Variants in ZNF385D observed in about 807,000 individuals in gnomAD.
The protein encoded by ZNF385D is zinc finger protein 385D, also known as zinc finger protein 659.
In ZNF385D, 15 loss-of-function variants were observed where a neutral mutation model predicts 35.8. The observed-to-expected ratio is 0.42, with a 90% CI of 0.28 to 0.64. The LOEUF (loss-of-function observed/expected upper bound fraction) is 0.64, where lower values mean the gene tolerates loss of function less well. ZNF385D is among the 30% of genes least tolerant of loss of function. The pLI is 0.23. For synonymous variants in ZNF385D, 212 were observed against 186.8 expected, an observed-to-expected ratio of 1.13 and a Z score of -1.10; for missense variants, 474 against 494.6, an observed-to-expected ratio of 0.96 and a Z score of 0.39.
rs1355979384 is a variant in ZNF385D at position 22,208,035 on chromosome 3, CTG to C, written c.107-39002_107-39001del. The stretch of plus-strand genomic sequence containing the variant: ...AAGAGTTTAAAGGTTCCTCTAAAAA[CTG>C]AAAGTAGAAATACTATACGATGCAG... On this transcript the variant is annotated intron_variant, in intron 2 of 5. Transcript: ENST00000494108. Among the ~76,000 whole-genome samples, 4 of 152,018 alleles carry C rather than the reference CTG, an allele frequency of 2.6e-5. No homozygotes were observed. The East Asian group carries it at 7.8e-4, about 29-fold the overall frequency.
intron 3 of ZNF385D, among the ~76,000 whole-genome samples, chr3:21,977,688 A>G (rs1703719407): frequency 1.3e-5 from 2 of 151,850 alleles, no homozygotes; most frequent in South Asian, 2.1e-4. Flanking sequence ...ATAATAACAA[A>G]TTAGCTGGCA....
chr3:22,297,243 C>T (rs547320039), intron 2 of ZNF385D, among the ~76,000 whole-genome samples: 1 of 152,160 alleles, frequency 6.6e-6, no homozygotes, highest in African/African-American at 2.4e-5. Flanking sequence ...CCCCAGATCC[C>T]CCCAATAGGA....
Position 21,751,073 on chromosome 3 carries a change from C to T in ZNF385D, c.-157G>A, listed in dbSNP as rs775441840. 3.4e-4 allele frequency: 518 copies of T among 1,509,940 alleles called. No individual in the cohort carries two copies. Among genetic ancestry groups the T allele is most frequent in the Non-Finnish European group, 4.3e-4 (487 of 1,128,318 alleles). 93.5% of individuals were successfully genotyped at this position (1,509,940 alleles called of 1,614,324 possible). On this transcript the variant is annotated 5_prime_UTR_variant, in exon 1 of 8. Transcript: ENST00000281523. The stretch of plus-strand genomic sequence containing the variant: ...GAGCGTGCCTCCTCCGCGGGATGAG[C>T]GCCTTGCAGGCTGCCTTTCCAGGGC...
intron 3 of ZNF385D, among the ~76,000 whole-genome samples, chr3:22,042,322 G>C (rs748782546): frequency 6.6e-6 from 1 of 151,962 alleles, no homozygotes; most frequent in African/African-American, 2.4e-5. Flanking sequence ...TTAGTGTATG[G>C]CCCATATTAA....
chr3:21,967,228 G>T (rs935370442), intron 3 of ZNF385D, among the ~76,000 whole-genome samples: 2 of 151,948 alleles, frequency 1.3e-5, no homozygotes, highest in African/African-American at 4.8e-5. Flanking sequence ...TTTCAGTCCT[G>T]GGGAAGTAAA....
At chr3:21,980,882 C>A (rs1694398618) in intron 3 of ZNF385D, among the ~76,000 whole-genome samples, 2 of 152,114 alleles carry the variant, frequency 1.3e-5, no homozygotes. Flanking sequence ...TATATTCCTG[C>A]AAAAGAGATG....
chr3:21,759,001 A>AAAAAAC (rs2070480123), intron 3 of ZNF385D, among the ~76,000 whole-genome samples: 2 of 133,144 alleles, frequency 1.5e-5, no homozygotes, highest in African/African-American at 3.0e-5. Context: ...AAAAAAAAAA[A>AAAAAAC]AAAAACAGTG....
intron 2 of ZNF385D, among the ~76,000 whole-genome samples, chr3:22,310,891 TCTA>T (rs1703502564): frequency 6.6e-6 from 1 of 151,918 alleles, no homozygotes; most frequent in East Asian, 1.9e-4. Flanking sequence ...AGATTTTATT[TCTA>T]CTATTTAAAT....
At position 22,021,507 on chromosome 3, in the gene ZNF385D, G is replaced by A. The variant is rs75532898; in HGVS notation, c.325+147310C>T. 3.9e-3 allele frequency among the ~76,000 whole-genome samples: 596 copies of A among 152,080 alleles called. 2 individuals are homozygous for A. The highest frequency in any genetic ancestry group is 0.014 in the African/African-American group (564 of 41,508). On this transcript the variant is annotated intron_variant, in intron 3 of 5. Transcript: ENST00000494108. ...CTAGGTTTTGAATCCTGACTCCACC[G>A]CTAACTATATTTATGCCTTTGAGTA...
chr3:22,259,512 C>G lies in ZNF385D; in HGVS notation c.107-90477G>C, dbSNP rs374881538. ...TTAGCCTACAAGTCAAACACTCATA[C>G]AGCACCTTTCCTTGAGACAGCTGTC... On this transcript the variant is annotated intron_variant, in intron 2 of 5. Coordinates refer to the ZNF385D transcript ENST00000494108. 5.3e-5 allele frequency among the ~76,000 whole-genome samples: 8 copies of G among 152,102 alleles called. No individual in the cohort carries two copies. In the South Asian group the frequency reaches 1.0e-3, roughly 20 times the overall value.
At chr3:21,701,770 G>C (rs1440965478) in intron 1 of ZNF385D, among the ~76,000 whole-genome samples, 1 of 152,090 alleles carries the variant, frequency 6.6e-6, no homozygotes, top group South Asian at 2.1e-4. Context: ...GCCAAAACAA[G>C]GGATTACAGG....
At chr3:21,879,718 T>A (rs754058591) in intron 3 of ZNF385D, among the ~76,000 whole-genome samples, 2 of 152,014 alleles carry the variant, frequency 1.3e-5, no homozygotes, top group Non-Finnish European at 2.9e-5. Context: ...AGGCGCTTCA[T>A]TGAAAAGGGC....
intron 1 of ZNF385D, among the ~76,000 whole-genome samples, chr3:21,675,089 A>T (rs17009257): frequency 0.21 from 31,122 of 149,550 alleles, 3,421 homozygotes; most frequent in East Asian, 0.29. Context: ...AAGAACTAGA[A>T]AAGAAAAGCG....
At chr3:21,780,841 G>A (rs905792820) in intron 3 of ZNF385D, among the ~76,000 whole-genome samples, 7 of 152,016 alleles carry the variant, frequency 4.6e-5, no homozygotes, top group Non-Finnish European at 1.0e-4. Context: ...AGGATTTTCT[G>A]TAAGATCCAC....
intron 3 of ZNF385D, among the ~76,000 whole-genome samples, chr3:21,883,403 C>T (rs1698378888): frequency 6.6e-6 from 1 of 151,900 alleles, no homozygotes; most frequent in Non-Finnish European, 1.5e-5. Context: ...ACCAAATTGA[C>T]TAAATCAGTT....
At chr3:22,285,521 A>G (rs921674559) in intron 2 of ZNF385D, among the ~76,000 whole-genome samples, 15 of 151,642 alleles carry the variant, frequency 9.9e-5, no homozygotes, top group Admixed American at 9.2e-4. Flanking sequence ...CTGTGCACTT[A>G]TTCAATAACT....
At position 22,031,542 on chromosome 3, in the gene ZNF385D, G is replaced by A. The variant is rs1339194801; in HGVS notation, c.325+137275C>T. 2.6e-5 allele frequency among the ~76,000 whole-genome samples: 4 copies of A among 152,170 alleles called. No homozygotes were observed. In the South Asian group the frequency reaches 8.3e-4, roughly 32 times the overall value. ...AGCCACGGCTGGAGTTGGAGCGGCT[G>A]AGATGCAGGGCACCAAGTCCTGAGT... is the stretch of plus-strand genomic sequence containing the variant. On this transcript the variant is annotated intron_variant, in intron 3 of 5. Coordinates refer to the ZNF385D transcript ENST00000494108.
Position 21,419,384 on chromosome 3 carries a change from C to T in ZNF385D, c.*1830G>A, listed in dbSNP as rs902563528. The T allele has an allele frequency of 6.6e-6, 1 of 152,026 alleles. No individual in the cohort carries two copies. Among genetic ancestry groups the T allele is most frequent in the African/African-American group, 2.4e-5 (1 of 41,378 alleles). 9.4% of individuals were successfully genotyped at this position (152,026 alleles called of 1,614,324 possible). A position where few individuals can be genotyped will look rare whatever the true frequency, so the allele number is the denominator to read the frequency against. ...CATGTTTAATGTTGAGCACCAAGCACGCTATGGTGTTTCTTAAATATAAAA... is the reference window on the plus strand; with the variant it reads ...CATGTTTAATGTTGAGCACCAAGCATGCTATGGTGTTTCTTAAATATAAAA... On this transcript the variant is annotated 3_prime_UTR_variant, in exon 8 of 8. Transcript: ENST00000281523.
chr3:22,313,996 G>T (rs1187712215), intron 2 of ZNF385D, among the ~76,000 whole-genome samples: 1 of 152,134 alleles, frequency 6.6e-6, no homozygotes, highest in African/African-American at 2.4e-5. Flanking sequence ...ATTTGTTGCA[G>T]ATTCCAGTCC....
Sources: gnomAD v4.1 joint callset for allele counts (sites outside exome capture counted in the v4.1 genomes callset) on GRCh38, gnomAD v4.1.1 for gene constraint, MANE v1.5 for transcripts, NCBI Gene and HGNC (gene_info 2026-07-23, HGNC 2026-07-21) for gene names.